The following FAM135B variants were observed in gnomAD, a reference collection of about 807,000 sequenced individuals.
FAM135B encodes family with sequence similarity 135 member B.
Under a neutral mutation model 127.7 loss-of-function variants are expected in FAM135B, and 43 were observed. The ratio of observed to expected loss-of-function variants is 0.34; its 90% confidence interval spans 0.26 to 0.43. FAM135B has a LOEUF of 0.43. Among genes scored for constraint, FAM135B ranks in the 20% least tolerant of loss-of-function variants. The pLI is 1.00. For synonymous variants in FAM135B, 670 were observed against 665.1 expected (o/e 1.01, Z -0.11); for missense variants, 1,558 against 1,725.6 (o/e 0.90, Z 1.72).
chr8:138,456,156 G>T (rs956401863), intron 1 of FAM135B, among the ~76,000 whole-genome samples: 10 of 152,276 alleles, frequency 6.6e-5, no homozygotes, highest in African/African-American at 2.2e-4. Flanking sequence ...CCCCTGTTAT[G>T]GTTTGAACGA....
rs754297788 is a variant in FAM135B, at chr8:138,131,200, G to A, written c.*1393C>T. The stretch of plus-strand genomic sequence containing the variant: ...TATTGAGAACCCTGGTCCTAGATGC[G>A]TTTCCACACTTCAGAAGGGATTTTT... On this transcript the variant is annotated 3_prime_UTR_variant, in exon 20 of 20. Transcript: ENST00000395297. 2 of 152,128 alleles carry A rather than the reference G, an allele frequency of 1.3e-5. No homozygotes were observed. Among genetic ancestry groups the A allele is most frequent in the East Asian group, 1.9e-4 (1 of 5,172 alleles). 9.4% of individuals were successfully genotyped at this position (152,128 alleles called of 1,614,324 possible).
chr8:138,348,867 C>T (rs1009089388), intron 2 of FAM135B, among the ~76,000 whole-genome samples: 5 of 152,236 alleles, frequency 3.3e-5, no homozygotes, highest in Admixed American at 2.0e-4. Context: ...ATTGGCCAGG[C>T]TTAGAGTGCC....
intron 2 of FAM135B, 134 bp downstream of exon 2, chr8:138,367,771 AAC>A (rs1443487662): frequency 4.4e-6 from 3 of 682,980 alleles, no homozygotes; most frequent in African/African-American, 1.8e-5. Flanking sequence ...TTGGCAAGAA[AAC>A]ACAATGAAAA....
Position 138,197,650 on chromosome 8 carries a change from G to T in FAM135B, c.689C>A (p.Ser230Tyr). The T allele has an allele frequency of 6.2e-7, 1 of 1,614,132 alleles. No individual in the cohort carries two copies. Among genetic ancestry groups the T allele is most frequent in the Non-Finnish European group, 8.5e-7 (1 of 1,179,962 alleles). Residue 230 changes from serine (S) to tyrosine (Y), a missense_variant, in exon 8 of 20, where the codon TCT becomes TAT. By Grantham distance (144) the Ser-to-Tyr change is moderately radical. Around this residue, in one of 5 missense-constraint regions of FAM135B, gnomAD observed 127 missense variants for 109.7 expected, o/e 1.16. Transcript: ENST00000395297. ...GTGTGCGTGCTGCATGCAGTTCTCAGAGGTGATGTAGAAGCTTCCCTAAGG... is the reference window on the plus strand; with the variant it reads ...GTGTGCGTGCTGCATGCAGTTCTCATAGGTGATGTAGAAGCTTCCCTAAGG... ...TSSEGSFYIT[S>Y]ENCMQHAHKW...
In FAM135B at chr8:138,152,531, C is replaced by T. The variant is rs752047390; in HGVS notation, c.1944G>A (p.Leu648=). 2 of 1,614,184 alleles carry T rather than the reference C, an allele frequency of 1.2e-6. No individual in the cohort carries two copies. The highest frequency in any genetic ancestry group is 3.3e-5 in the Admixed American group (2 of 60,032). Residue 648 remains leucine (L), a synonymous_variant, in exon 13 of 20, where the codon CTG becomes CTA. Coordinates refer to ENST00000395297, the MANE Select transcript of FAM135B (RefSeq NM_015912.4). ...AAGACCTAATATCTAAGGGCTCCCT[C>T]AGGGTAGAACTTAGTGGATCACAGG... ...SEPCDPLSST[L]REPLDIRSSL...
At position 138,407,958 on chromosome 8, in the gene FAM135B, G is replaced by A. The variant is rs181295077; in HGVS notation, c.-19-39956C>T. On this transcript the variant is annotated intron_variant, in intron 1 of 19. Transcript: ENST00000395297. ...TCTTTTTTTACTTTCTGAGCCGTAG[G>A]TTTCAACACTGGCCTTAAATATTCA... Among the ~76,000 whole-genome samples, 221 of 152,246 alleles carry A rather than the reference G, an allele frequency of 1.5e-3. 2 individuals carry two copies. The highest frequency in any genetic ancestry group is 3.8e-3 in the African/African-American group (159 of 41,552).
chr8:138,142,577 T>A (rs1424655640), intron 16 of FAM135B, among the ~76,000 whole-genome samples: 1 of 152,094 alleles, frequency 6.6e-6, no homozygotes, highest in Non-Finnish European at 1.5e-5. Context: ...GTGCTGGGAT[T>A]ACAGGTGTGA....
At chr8:138,291,624 G>C (rs1289605530) in intron 3 of FAM135B, among the ~76,000 whole-genome samples, 2 of 152,056 alleles carry the variant, frequency 1.3e-5, no homozygotes, top group African/African-American at 2.4e-5. Context: ...CAGATGCAAG[G>C]ATGTTCAACA....
chr8:138,398,398 G>T (rs1273905237), intron 1 of FAM135B, among the ~76,000 whole-genome samples: 1 of 152,208 alleles, frequency 6.6e-6, no homozygotes, highest in Admixed American at 6.5e-5. Context: ...TATTAAATCT[G>T]CTCAATTTAC....
intron 1 of FAM135B, among the ~76,000 whole-genome samples, chr8:138,387,089 T>C (rs1027317061): frequency 6.6e-6 from 1 of 152,166 alleles, no homozygotes; most frequent in African/African-American, 2.4e-5. Flanking sequence ...TAATCTGACA[T>C]ATGTATTCAT....
intron 9 of FAM135B, among the ~76,000 whole-genome samples, chr8:138,194,417 A>G (rs896266423): frequency 6.6e-6 from 1 of 152,210 alleles, no homozygotes; most frequent in Non-Finnish European, 1.5e-5. Context: ...CTGGCTGCAC[A>G]TAATATTCAT....
In FAM135B at chr8:138,242,463, G is replaced by A. The variant is rs972853900; in HGVS notation, c.669+479C>T. On this transcript the variant is annotated intron_variant, in intron 7 of 19. Transcript: ENST00000395297. This position sits in a 1 kb window ranked among gnomAD's most constrained non-coding sequence, Gnocchi z 9.6. Reference sequence around the variant, plus strand: ...TAGCAGCTAGTGAGTATTGGATACCGGGCTAGGAACTTTACATTTATTACA... The same window carrying A: ...TAGCAGCTAGTGAGTATTGGATACCAGGCTAGGAACTTTACATTTATTACA... 6.6e-6 allele frequency among the ~76,000 whole-genome samples: 1 copy of A among 151,996 alleles called. No homozygotes were observed. The highest frequency in any genetic ancestry group is 2.4e-5 in the African/African-American group (1 of 41,378).
At chr8:138,176,124 C>T (rs1355635237) in intron 11 of FAM135B, among the ~76,000 whole-genome samples, 1 of 152,186 alleles carries the variant, frequency 6.6e-6, no homozygotes, top group African/African-American at 2.4e-5. Context: ...GGTCTTGAAC[C>T]CATGTAATCT....
chr8:138,247,419 G>A (rs1218225488), intron 6 of FAM135B, among the ~76,000 whole-genome samples: 1 of 152,216 alleles, frequency 6.6e-6, no homozygotes, highest in Non-Finnish European at 1.5e-5. Context: ...GTGCTCACAA[G>A]ATCTGATGGT....
intron 3 of FAM135B, among the ~76,000 whole-genome samples, chr8:138,298,393 G>A (rs1021676306): frequency 9.9e-5 from 15 of 152,200 alleles, no homozygotes; most frequent in Admixed American, 5.9e-4. Flanking sequence ...CTCTCAGAAG[G>A]TGACATTTGA....
chr8:138,401,976 C>T (rs1433103406), intron 1 of FAM135B, among the ~76,000 whole-genome samples: 1 of 152,066 alleles, frequency 6.6e-6, no homozygotes, highest in Non-Finnish European at 1.5e-5. Flanking sequence ...CAAAGAGTTA[C>T]CACTGTCTAC....
intron 12 of FAM135B, among the ~76,000 whole-genome samples, chr8:138,164,848 A>C (rs2130878509): frequency 6.6e-6 from 1 of 152,340 alleles, no homozygotes; most frequent in Non-Finnish European, 1.5e-5. Flanking sequence ...TCAGCAAAAT[A>C]AACTTTCTAA....
chr8:138,193,748 C>G (rs1375997031), intron 9 of FAM135B, among the ~76,000 whole-genome samples: 2 of 152,154 alleles, frequency 1.3e-5, no homozygotes, highest in African/African-American at 4.8e-5. Context: ...GAGCAGAGCA[C>G]TTAGGAGGGT....
Position 138,173,341 on chromosome 8 carries a change from T to A in FAM135B, c.1103+4006A>T, listed in dbSNP as rs531242520. On this transcript the variant is annotated intron_variant, in intron 11 of 19. Coordinates refer to ENST00000395297, the MANE Select transcript of FAM135B (RefSeq NM_015912.4). The stretch of plus-strand genomic sequence containing the variant: ...CTGCATTTCACTTTATTTCTTATCA[T>A]GTGTTCTTTAAGATGATGGCTCAAC... Among the ~76,000 whole-genome samples the A allele has an allele frequency of 5.5e-4, 84 of 152,300 alleles. 1 individual carries two copies. The highest frequency in any genetic ancestry group is 6.8e-3 in the Middle Eastern group (2 of 294).
Sources: gnomAD v4.1 joint callset for allele counts (sites outside exome capture counted in the v4.1 genomes callset) on GRCh38, gnomAD v4.1.1 for gene constraint, gnomAD v4.1.1 regional missense constraint, Gnocchi (gnomAD v3.1) non-coding constraint, MANE v1.5 for transcripts, NCBI Gene and HGNC (gene_info 2026-07-23, HGNC 2026-07-21) for gene names.